The following SEMA3E variants were observed in gnomAD, a reference collection of about 807,000 sequenced individuals.
SEMA3E encodes semaphorin 3E, also known as semaphorin-3E.
A neutral mutation model predicts 93.6 loss-of-function variants in SEMA3E; 49 were observed. The observed-to-expected ratio is 0.52, with a 90% CI of 0.42 to 0.66. The LOEUF (loss-of-function observed/expected upper bound fraction) is 0.66. Ranked by LOEUF, SEMA3E falls within the 30% of genes least tolerant of loss-of-function variation. SEMA3E has a pLI of 0.00. For synonymous variants in SEMA3E, 363 were observed against 330.7 expected (o/e 1.10, Z -1.06); for missense variants, 906 against 964.8 (o/e 0.94, Z 0.81).
At chr7:83,597,389 G>T (rs1411608697) in intron 1 of SEMA3E, among the ~76,000 whole-genome samples, 1 of 152,080 alleles carries the variant, frequency 6.6e-6, no homozygotes, top group Non-Finnish European at 1.5e-5. Context: ...AGCCAAGAAG[G>T]GCCTTAGTGA....
chr7:83,372,506 G>T, intron 16 of SEMA3E: 1 of 322,038 alleles, frequency 3.1e-6, no homozygotes, highest in Non-Finnish European at 5.6e-6. Flanking sequence ...AGGGTTGTTT[G>T]TTTGTTGCTT....
chr7:83,481,349 A>G (rs1325247767), intron 2 of SEMA3E, among the ~76,000 whole-genome samples: 2 of 152,180 alleles, frequency 1.3e-5, no homozygotes, highest in Admixed American at 6.5e-5. Context: ...ACTAAAGGAC[A>G]CTAGAGAAAG....
intron 2 of SEMA3E, among the ~76,000 whole-genome samples, chr7:83,481,430 TTTGA>T (rs1790144413): frequency 6.6e-6 from 1 of 152,298 alleles, no homozygotes; most frequent in Middle Eastern, 3.4e-3. Context: ...TAAATCAGAA[TTTGA>T]TTGAAATCAA....
chr7:83,418,073 C>T, intron 5 of SEMA3E, among the ~76,000 whole-genome samples: 1 of 152,206 alleles, frequency 6.6e-6, no homozygotes, highest in Admixed American at 6.6e-5. Flanking sequence ...AGTTTCATTT[C>T]TCTGGCAAAA....
At chr7:83,544,173 A>G (rs1791596431) in intron 1 of SEMA3E, among the ~76,000 whole-genome samples, 2 of 152,202 alleles carry the variant, frequency 1.3e-5, no homozygotes, top group Admixed American at 1.3e-4. Context: ...GTGGGTTTTT[A>G]ATGGCAGGCT....
At chr7:83,442,656 GGTTTT>G (rs923212263) in intron 4 of SEMA3E, among the ~76,000 whole-genome samples, 23 of 151,968 alleles carry the variant, frequency 1.5e-4, no homozygotes, top group African/African-American at 4.3e-4. Flanking sequence ...TTTGTTTGTG[GGTTTT>G]GTTTTGTTTT....
At chr7:83,526,668 C>T (rs1449635339) in intron 1 of SEMA3E, among the ~76,000 whole-genome samples, 2 of 152,144 alleles carry the variant, frequency 1.3e-5, no homozygotes, top group Non-Finnish European at 2.9e-5. Context: ...CATCCATGTG[C>T]TATCCACTTG....
intron 3 of SEMA3E, among the ~76,000 whole-genome samples, chr7:83,468,407 T>A (rs970597091): frequency 1.3e-5 from 2 of 152,176 alleles, no homozygotes; most frequent in African/African-American, 4.8e-5. Flanking sequence ...CTGAGCTAGA[T>A]TGACATGGCC....
At chr7:83,404,569 G>T (rs898868335) in intron 9 of SEMA3E, among the ~76,000 whole-genome samples, 3 of 151,750 alleles carry the variant, frequency 2.0e-5, no homozygotes, top group African/African-American at 7.3e-5. Flanking sequence ...AACAAATACT[G>T]ATTCTAATAT....
At chr7:83,555,336 T>C (rs574364519) in intron 1 of SEMA3E, among the ~76,000 whole-genome samples, 2 of 152,338 alleles carry the variant, frequency 1.3e-5, no homozygotes, top group African/African-American at 4.8e-5. Flanking sequence ...ATTTTTTAAA[T>C]GTTGAAGTGA....
At chr7:83,392,923 G>A (rs1250261006) in intron 13 of SEMA3E, among the ~76,000 whole-genome samples, 1 of 151,434 alleles carries the variant, frequency 6.6e-6, no homozygotes, top group Non-Finnish European at 1.5e-5. Context: ...CAAAAAATTA[G>A]CCAGGCATGG....
intron 14 of SEMA3E, among the ~76,000 whole-genome samples, chr7:83,389,052 C>A (rs1787941238): frequency 6.6e-6 from 1 of 151,300 alleles, no homozygotes; most frequent in Non-Finnish European, 1.5e-5. Context: ...GAAAATCTTA[C>A]CTAAAAACCT....
intron 13 of SEMA3E, 68 bp downstream of exon 13, chr7:83,394,229 T>C: frequency 6.6e-7 from 1 of 1,512,408 alleles, no homozygotes; most frequent in South Asian, 1.2e-5. Context: ...TGTTCTCATA[T>C]CCTTTGACCT....
At chr7:83,435,790 G>T (rs970861365) in intron 4 of SEMA3E, among the ~76,000 whole-genome samples, 2 of 151,978 alleles carry the variant, frequency 1.3e-5, no homozygotes, top group African/African-American at 4.8e-5. Flanking sequence ...TTGGTCTTTC[G>T]TGATGTAAAA....
At chr7:83,501,245 A>G (rs1790591479) in intron 1 of SEMA3E, among the ~76,000 whole-genome samples, 1 of 152,218 alleles carries the variant, frequency 6.6e-6, no homozygotes, top group Admixed American at 6.5e-5. Flanking sequence ...ATAAAACAAA[A>G]TGCATTTTGC....
intron 4 of SEMA3E, among the ~76,000 whole-genome samples, chr7:83,420,063 C>T (rs1418881763): frequency 6.6e-6 from 1 of 152,104 alleles, no homozygotes; most frequent in Non-Finnish European, 1.5e-5. Context: ...TGAAAGTCTC[C>T]TAGAACAGAT....
chr7:83,363,860 ATTTTTTTTTTTTTTTTTTTTTTTTTTT>A lies in SEMA3E; in HGVS notation c.*3699_*3725del, dbSNP rs56867715. 6.5e-5 allele frequency: 5 copies of A among 76,922 alleles called. No individual in the cohort carries two copies. Among genetic ancestry groups the A allele is most frequent in the African/African-American group, 1.0e-4 (2 of 20,066 alleles). 4.8% of individuals were successfully genotyped at this position (76,922 alleles called of 1,614,324 possible). ...GGCTACAGGTGTCACAGGTCAATTCATTTTTTTTTTTTTTTTTTTTTTTTTTTTTTTTTTTTTTTTTTTTTGAGACGG... is the reference window on the plus strand; with the variant it reads ...GGCTACAGGTGTCACAGGTCAATTCATTTTTTTTTTTTTTTTTTGAGACGG... On this transcript the variant is annotated 3_prime_UTR_variant, in exon 17 of 17. Transcript: ENST00000643230.
At chr7:83,576,580 T>TTTA (rs1792405320) in intron 1 of SEMA3E, among the ~76,000 whole-genome samples, 1 of 152,150 alleles carries the variant, frequency 6.6e-6, no homozygotes, top group Admixed American at 6.6e-5. Flanking sequence ...AAATAGGCTA[T>TTTA]GTCGAAAGAG....
At chr7:83,626,413 T>A (rs886757505) in intron 1 of SEMA3E, among the ~76,000 whole-genome samples, 6 of 152,176 alleles carry the variant, frequency 3.9e-5, no homozygotes, top group African/African-American at 1.4e-4. Flanking sequence ...GGGATTCAAC[T>A]TCCTCCTGGT....
Sources: gnomAD v4.1 joint callset for allele counts (sites outside exome capture counted in the v4.1 genomes callset) on GRCh38, gnomAD v4.1.1 for gene constraint, MANE v1.5 for transcripts, NCBI Gene and HGNC (gene_info 2026-07-23, HGNC 2026-07-21) for gene names.